Variants in CSTF3 observed in about 807,000 individuals in gnomAD.
CSTF3 encodes cleavage stimulation factor subunit 3, also known as CF-1 77 kDa subunit.
A neutral mutation model predicts 105.8 loss-of-function variants in CSTF3; 29 were observed. That is an observed-to-expected ratio of 0.27 (90% CI 0.20 to 0.37). The LOEUF is 0.37. Among genes scored for constraint, CSTF3 ranks in the 10% least tolerant of loss-of-function variants. CSTF3 has a pLI of 1.00. For synonymous variants in CSTF3, 252 were observed against 281.9 expected, an observed-to-expected ratio of 0.89 and a Z score of 1.06; for missense variants, 357 against 879.3, an observed-to-expected ratio of 0.41 and a Z score of 7.51.
chr11:33,096,732 T>C, intron 14 of CSTF3, 103 bp downstream of exon 14: 1 of 1,143,168 alleles, frequency 8.7e-7, no homozygotes, highest in Non-Finnish European at 1.2e-6. Context: ...CTTTACAAAA[T>C]GGAGCAATAA....
At chr11:33,150,108 G>T (rs1024387455) in intron 1 of CSTF3, among the ~76,000 whole-genome samples, 4 of 151,678 alleles carry the variant, frequency 2.6e-5, no homozygotes, top group African/African-American at 9.7e-5. Context: ...CCAGCTACTT[G>T]GGAGGCTGAG....
At chr11:33,157,462 A>G (rs906476186) in intron 1 of CSTF3, among the ~76,000 whole-genome samples, 3 of 152,226 alleles carry the variant, frequency 2.0e-5, no homozygotes, top group African/African-American at 7.2e-5. Context: ...CTATATGCAA[A>G]TAGTTTTTTC....
rs1855258260 is a variant in CSTF3 at position 33,099,499 on chromosome 11, T to C, written c.936+109A>G. ...AGATTCATATGAACGTAAACTTAAA[T>C]TTTCAATACTTATGCTTTATTACCA... On this transcript the variant is annotated intron_variant, in intron 11 of 20. Transcript: ENST00000323959. This position sits in a 1 kb window ranked among gnomAD's most constrained non-coding sequence, Gnocchi z 4.1. 1 of 776,076 alleles carries C rather than the reference T, an allele frequency of 1.3e-6. No homozygotes were observed. The highest frequency in any genetic ancestry group is 2.1e-6 in the Non-Finnish European group (1 of 481,084). 48.1% of individuals were successfully genotyped at this position (776,076 alleles called of 1,614,324 possible). A position where few individuals can be genotyped will look rare whatever the true frequency, so the allele number is the denominator to read the frequency against.
intron 1 of CSTF3, among the ~76,000 whole-genome samples, chr11:33,158,277 T>C (rs1254887459): frequency 6.6e-6 from 1 of 152,140 alleles, no homozygotes; most frequent in Non-Finnish European, 1.5e-5. Flanking sequence ...AAGGAAAAGA[T>C]ATAAGAACCA....
Position 33,105,615 on chromosome 11 carries a change from C to A in CSTF3, c.537G>T (p.Pro179=), listed in dbSNP as rs751248526. 1 of 1,612,846 alleles carries A rather than the reference C, an allele frequency of 6.2e-7. No homozygotes were observed. Among genetic ancestry groups the A allele is most frequent in the Non-Finnish European group, 8.5e-7 (1 of 1,179,020 alleles). ...TCCAGAGCTGTTCAATGTTGATCAT[C>A]GGATTAACACAACCTCGTTGATAAA... ...RRVYQRGCVN[P]MINIEQLWRD... The change falls in exon 8 of 21, where the codon CCG becomes CCT. Residue 179 remains proline (P), a synonymous_variant. Transcript: ENST00000323959.
In CSTF3 at chr11:33,085,069, G is replaced by A; in HGVS notation, c.*18C>T. 1 of 1,613,558 alleles carries A rather than the reference G, an allele frequency of 6.2e-7. No individual in the cohort carries two copies. Among genetic ancestry groups the A allele is most frequent in the African/African-American group, 1.3e-5 (1 of 75,048 alleles). ...AAGGAATCCTGGACAGGAGTTTTCT[G>A]CAGAGGCGTTTAAAACCCTACCGAA... On this transcript the variant is annotated 3_prime_UTR_variant, in exon 21 of 21. Coordinates refer to ENST00000323959, the MANE Select transcript of CSTF3 (RefSeq NM_001326.3).
chr11:33,130,758 TTTGA>T (rs1447024103), intron 3 of CSTF3, among the ~76,000 whole-genome samples: 1 of 152,032 alleles, frequency 6.6e-6, no homozygotes, highest in Non-Finnish European at 1.5e-5. Context: ...GAATATGTTC[TTTGA>T]TTGAGTCCAG....
intron 1 of CSTF3, among the ~76,000 whole-genome samples, chr11:33,159,951 C>T (rs569058976): frequency 1.2e-4 from 19 of 152,144 alleles, no homozygotes; most frequent in Non-Finnish European, 2.2e-4. Flanking sequence ...CACCATCTGT[C>T]CCACTGAAAC....
At chr11:33,130,260 G>T (rs2133792107) in intron 3 of CSTF3, among the ~76,000 whole-genome samples, 1 of 152,242 alleles carries the variant, frequency 6.6e-6, no homozygotes, top group Admixed American at 6.5e-5. Context: ...ATCACCAGAG[G>T]TCAGGAGTTC....
chr11:33,140,591 T>TA (rs2133798283), intron 3 of CSTF3, among the ~76,000 whole-genome samples: 1 of 152,216 alleles, frequency 6.6e-6, no homozygotes, highest in Admixed American at 6.5e-5. Flanking sequence ...TCTGAGGACA[T>TA]ATCACAGATG....
intron 1 of CSTF3, among the ~76,000 whole-genome samples, chr11:33,143,470 C>A (rs535517985): frequency 6.6e-6 from 1 of 152,268 alleles, no homozygotes; most frequent in Non-Finnish European, 1.5e-5. Flanking sequence ...TTTATACAGG[C>A]CAGGTGTGGT....
At chr11:33,086,097 TG>T (rs1333080648) in intron 18 of CSTF3, 108 bp from the exon 19 acceptor site, 7 of 707,020 alleles carry the variant, frequency 9.9e-6, no homozygotes, top group Non-Finnish European at 8.5e-6. Context: ...TGCTTTGTTC[TG>T]GACACTGAAA....
intron 1 of CSTF3, among the ~76,000 whole-genome samples, chr11:33,154,427 T>C (rs567495294): frequency 3.3e-5 from 5 of 151,594 alleles, no homozygotes; most frequent in Non-Finnish European, 7.4e-5. Context: ...GTCTTAAGTC[T>C]CTCTCTGTGG....
chr11:33,126,372 G>A (rs531691485), intron 3 of CSTF3, among the ~76,000 whole-genome samples: 19 of 151,982 alleles, frequency 1.3e-4, no homozygotes, highest in Admixed American at 4.6e-4. Flanking sequence ...CAGCCCACAC[G>A]GTGGAGGTTA....
intron 3 of CSTF3, among the ~76,000 whole-genome samples, chr11:33,131,649 A>G (rs1001229486): frequency 1.1e-4 from 16 of 151,956 alleles, no homozygotes; most frequent in Admixed American, 2.0e-4. Context: ...GATCGAGACC[A>G]TCCTGGCTAA....
intron 3 of CSTF3, chr11:33,134,471 TAAAAG>T (rs1249187144): frequency 6.6e-6 from 1 of 152,194 alleles, no homozygotes; most frequent in Non-Finnish European, 1.5e-5. Context: ...ATGAGGGAAC[TAAAAG>T]AAATGTACAA....
intron 3 of CSTF3, among the ~76,000 whole-genome samples, chr11:33,129,764 A>G (rs1283991030): frequency 6.6e-6 from 1 of 152,200 alleles, no homozygotes; most frequent in Non-Finnish European, 1.5e-5. Flanking sequence ...TCTTACCCAT[A>G]AAAGTATCTT....
intron 15 of CSTF3, among the ~76,000 whole-genome samples, chr11:33,096,049 TG>T (rs1855220644): frequency 6.6e-6 from 1 of 152,164 alleles, no homozygotes. Flanking sequence ...CTGTGTCTCC[TG>T]ACTCTGACTC....
At chr11:33,160,991 T>A (rs1196544410) in intron 1 of CSTF3, among the ~76,000 whole-genome samples, 1 of 152,064 alleles carries the variant, frequency 6.6e-6, no homozygotes, top group African/African-American at 2.4e-5. Flanking sequence ...TCCTATCCAC[T>A]CTAATACCAA....
Sources: gnomAD v4.1 joint callset for allele counts (sites outside exome capture counted in the v4.1 genomes callset) on GRCh38, gnomAD v4.1.1 for gene constraint, Gnocchi (gnomAD v3.1) non-coding constraint, MANE v1.5 for transcripts, NCBI Gene and HGNC (gene_info 2026-07-23, HGNC 2026-07-21) for gene names.